DCAF4L1: variants seen among roughly 807,000 people sequenced by gnomAD.
DCAF4L1 encodes the protein DDB1 and CUL4 associated factor 4 like 1.
Under a neutral mutation model 28.2 loss-of-function variants are expected in DCAF4L1, and 4 were observed. That is an observed-to-expected ratio of 0.14 (90% CI 0.07 to 0.33). The LOEUF (loss-of-function observed/expected upper bound fraction) is 0.33. Ranked by LOEUF, DCAF4L1 falls within the 10% of genes least tolerant of loss-of-function variation. The probability of loss-of-function intolerance (pLI) is 1.00; values close to 1 mark genes in which losing one functional copy is unlikely to be tolerated. For missense variants in DCAF4L1, 331 were observed against 506.1 expected (o/e 0.65, Z 3.32); for synonymous variants, 252 against 212.1 (o/e 1.19, Z -1.63).
Position 41,983,109 on chromosome 4 carries a change from G to T in DCAF4L1, c.*126G>T. ...ATAGATCGCATCCATCCGGCTGCCA[G>T]GGGTAAGGTGTTAAGAGTTTTATGT... On this transcript the variant is annotated 3_prime_UTR_variant, in exon 1 of 1. Coordinates refer to ENST00000333141, the MANE Select transcript of DCAF4L1 (RefSeq NM_001029955.4). 2.5e-6 allele frequency: 2 copies of T among 812,152 alleles called. No homozygotes were observed. The highest frequency in any genetic ancestry group is 1.7e-5 in the African/African-American group (1 of 57,748). 50.3% of individuals were successfully genotyped at this position (812,152 alleles called of 1,614,324 possible).
In DCAF4L1 at chr4:41,983,255, CT is replaced by C. The variant is rs34302641; in HGVS notation, c.*283del. 592 of 223,038 alleles carry C rather than the reference CT, an allele frequency of 2.7e-3. No individual in the cohort carries two copies. The highest frequency in any genetic ancestry group is 6.8e-3 in the Middle Eastern group (4 of 592). 13.8% of individuals were successfully genotyped at this position (223,038 alleles called of 1,614,324 possible). A position where few individuals can be genotyped will look rare whatever the true frequency, so the allele number is the denominator to read the frequency against. ...AGAACAGTTAACCACCTCCCCAACC[CT>C]TTTTTTTTTTAAATAATTAAGACTT... is the stretch of plus-strand genomic sequence containing the variant. On this transcript the variant is annotated 3_prime_UTR_variant, in exon 1 of 1. Coordinates refer to ENST00000333141, the MANE Select transcript of DCAF4L1 (RefSeq NM_001029955.4).
rs765431956 is a variant in DCAF4L1 at position 41,982,089 on chromosome 4, CG to C, written c.299del (p.Gly100AlafsTer8). ...NQVEVEGSKY[G>X]IISLRTLKIP... ...AGGTCGAAGTCGAAGGCTCCAAGTA[CG>C]GCATCATCAGCCTGCGAACTCTGAA... On this transcript the variant is annotated frameshift_variant, in exon 1 of 1. Coordinates refer to ENST00000333141, the MANE Select transcript of DCAF4L1 (RefSeq NM_001029955.4). LOFTEE classifies it high-confidence loss of function. The surrounding 1 kb of genome is among the most constrained non-coding windows in gnomAD (Gnocchi z 4.4). 3 of 1,614,190 alleles carry C rather than the reference CG, an allele frequency of 1.9e-6. No homozygotes were observed. The East Asian group carries it at 6.7e-5, about 36-fold the overall frequency.
In DCAF4L1 at chr4:41,983,190, TTTTCATA is replaced by T; in HGVS notation, c.*208_*214del. 1 of 550,560 alleles carries T rather than the reference TTTTCATA, an allele frequency of 1.8e-6. No individual in the cohort carries two copies. Among genetic ancestry groups the T allele is most frequent in the East Asian group, 3.1e-5 (1 of 32,096 alleles). 34.1% of individuals were successfully genotyped at this position (550,560 alleles called of 1,614,324 possible). A position where few individuals can be genotyped will look rare whatever the true frequency, so the allele number is the denominator to read the frequency against. On this transcript the variant is annotated 3_prime_UTR_variant, in exon 1 of 1. Transcript: ENST00000333141. Reference sequence around the variant, plus strand: ...AACTGTGGACTTAACTTGAAAGTCCTTTTCATAAAAGGTACCTGTTTCCTCTTGTTGA... The same window carrying T: ...AACTGTGGACTTAACTTGAAAGTCCTAAAGGTACCTGTTTCCTCTTGTTGA...
At position 41,985,747 on chromosome 4, in the gene DCAF4L1, A is replaced by G. The variant is rs141482149; in HGVS notation, c.*2764A>G. On this transcript the variant is annotated 3_prime_UTR_variant, in exon 1 of 1. Coordinates refer to ENST00000333141, the MANE Select transcript of DCAF4L1 (RefSeq NM_001029955.4). Reference sequence around the variant, plus strand: ...CATAGCACTATGGACAAATCCTGCAAACATAATGTTGAAATAAAGATGCCA... The same window carrying G: ...CATAGCACTATGGACAAATCCTGCAGACATAATGTTGAAATAAAGATGCCA... The G allele has an allele frequency of 2.2e-3, 370 of 167,206 alleles. 1 individual carries two copies. Among genetic ancestry groups the G allele is most frequent in the Non-Finnish European group, 4.1e-3 (281 of 68,124 alleles). The allele number at this position is 167,206 out of a possible 1,614,324, so 10.4% of individuals were successfully genotyped here.
chr4:41,982,866 C>T lies in DCAF4L1; in HGVS notation c.1074C>T (p.Ala358=), dbSNP rs1714031665. ...GAACCATCCCTTCCCCGTACTCTGC[C>T]TCCGAGGACGACATTCCCAGCGTGG... is the stretch of plus-strand genomic sequence containing the variant. ...LLRTIPSPYS[A]SEDDIPSVAF... Residue 358 remains alanine, a synonymous_variant, in exon 1 of 1, where the codon GCC becomes GCT. Coordinates refer to ENST00000333141, the MANE Select transcript of DCAF4L1 (RefSeq NM_001029955.4). This position sits in a 1 kb window ranked among gnomAD's most constrained non-coding sequence, Gnocchi z 4.4. The T allele has an allele frequency of 6.2e-7, 1 of 1,614,166 alleles. No individual in the cohort carries two copies. Among genetic ancestry groups the T allele is most frequent in the Non-Finnish European group, 8.5e-7 (1 of 1,180,014 alleles).
rs1405258125 is a variant in DCAF4L1, at chr4:41,983,144, C to T, written c.*161C>T. The T allele has an allele frequency of 1.7e-5, 11 of 640,034 alleles. No homozygotes were observed. Among genetic ancestry groups the T allele is most frequent in the Non-Finnish European group, 3.0e-5 (11 of 368,060 alleles). The allele number at this position is 640,034 out of a possible 1,614,324, so 39.6% of individuals were successfully genotyped here. ...GTTAAGAGTTTTATGTGGAGACGTT[C>T]TTGTAAAGTTATTTCAGTTAAACTG... On this transcript the variant is annotated 3_prime_UTR_variant, in exon 1 of 1. Transcript: ENST00000333141.
Position 41,986,408 on chromosome 4 carries a change from G to A in DCAF4L1, c.*3425G>A, listed in dbSNP as rs1714162057. 1 of 166,986 alleles carries A rather than the reference G, an allele frequency of 6.0e-6. No homozygotes were observed. The highest frequency in any genetic ancestry group is 1.5e-5 in the Non-Finnish European group (1 of 68,122). The allele number at this position is 166,986 out of a possible 1,614,324, so 10.3% of individuals were successfully genotyped here. On this transcript the variant is annotated 3_prime_UTR_variant, in exon 1 of 1. Coordinates refer to ENST00000333141, the MANE Select transcript of DCAF4L1 (RefSeq NM_001029955.4). ...CACTAGTGATAATTGTTAGAGCTAT[G>A]CCCTTAATATATGTCTTGTGTGTAT... is the stretch of plus-strand genomic sequence containing the variant.
chr4:41,983,046 AC>A lies in DCAF4L1; in HGVS notation c.*65del. On this transcript the variant is annotated 3_prime_UTR_variant, in exon 1 of 1. Transcript: ENST00000333141. ...TTAAGGAAGTTAAGAGTATCTTATTACCGTTTCTGTGAGAGCATTTTAAGAG... is the reference window on the plus strand; with the variant it reads ...TTAAGGAAGTTAAGAGTATCTTATTACGTTTCTGTGAGAGCATTTTAAGAG... The A allele has an allele frequency of 1.4e-6, 2 of 1,422,472 alleles. No individual in the cohort carries two copies. The highest frequency in any genetic ancestry group is 1.9e-6 in the Non-Finnish European group (2 of 1,042,600). The allele number at this position is 1,422,472 out of a possible 1,614,324, so 88.1% of individuals were successfully genotyped here.
In DCAF4L1 at chr4:41,982,105, C is replaced by T. The variant is rs547538687; in HGVS notation, c.313C>T (p.Arg105Ter). 11 of 1,614,084 alleles carry T rather than the reference C, an allele frequency of 6.8e-6. No homozygotes were observed. Among genetic ancestry groups the T allele is most frequent in the Non-Finnish European group, 9.3e-6 (11 of 1,180,052 alleles). The change falls in exon 1 of 1, where the codon CGA (arginine) becomes TGA (stop). Residue 105 changes from arginine to a stop codon, truncating the protein, a stop_gained. Coordinates refer to ENST00000333141, the MANE Select transcript of DCAF4L1 (RefSeq NM_001029955.4). LOFTEE classifies it high-confidence loss of function. The surrounding 1 kb of genome is among the most constrained non-coding windows in gnomAD (Gnocchi z 4.4). ...EGSKYGIISLRTLKIPSFHVY... is the reference protein window; with the variant it reads ...EGSKYGIISL ...CTCCAAGTACGGCATCATCAGCCTGCGAACTCTGAAGATCCCTTCGTTCCA... is the reference window on the plus strand; with the variant it reads ...CTCCAAGTACGGCATCATCAGCCTGTGAACTCTGAAGATCCCTTCGTTCCA...
At position 41,982,199 on chromosome 4, in the gene DCAF4L1, A is replaced by G. The variant is rs754829260; in HGVS notation, c.407A>G (p.Asn136Ser). The change falls in exon 1 of 1, where the codon AAC (asparagine) becomes AGC (serine). Residue 136 changes from asparagine to serine, a missense_variant. Asn to Ser is a conservative substitution (Grantham distance 46). Transcript: ENST00000333141. The surrounding 1 kb of genome is among the most constrained non-coding windows in gnomAD (Gnocchi z 4.4). ...KVKSLCWASL[N>S]QLDSHVLLCF... ...AAGTCCCTGTGCTGGGCCTCGCTGA[A>G]CCAGTTGGACTCTCACGTTCTGCTG... 7 of 1,614,164 alleles carry G rather than the reference A, an allele frequency of 4.3e-6. No homozygotes were observed. The highest frequency in any genetic ancestry group is 1.1e-5 in the South Asian group (1 of 91,076).
chr4:41,981,785 A>C lies in DCAF4L1; in HGVS notation c.-8A>C, dbSNP rs201558079. On this transcript the variant is annotated 5_prime_UTR_variant, in exon 1 of 1. Coordinates refer to ENST00000333141, the MANE Select transcript of DCAF4L1 (RefSeq NM_001029955.4). ...TTTCCTGTCACGAGGAACATTCCGC[A>C]GGAGGAAATGGAGGCTGAAAGGCTG... 1.2e-6 allele frequency: 2 copies of C among 1,611,954 alleles called. No individual in the cohort carries two copies. Among genetic ancestry groups the C allele is most frequent in the Non-Finnish European group, 1.7e-6 (2 of 1,178,414 alleles).
In DCAF4L1 at chr4:41,982,538, T is replaced by G; in HGVS notation, c.746T>G (p.Phe249Cys). 1 of 1,614,212 alleles carries G rather than the reference T, an allele frequency of 6.2e-7. No individual in the cohort carries two copies. Among genetic ancestry groups the G allele is most frequent in the Non-Finnish European group, 8.5e-7 (1 of 1,180,032 alleles). Residue 249 changes from phenylalanine (F) to cysteine (C), a missense_variant, in exon 1 of 1, where the codon TTT becomes TGT. Coordinates refer to ENST00000333141, the MANE Select transcript of DCAF4L1 (RefSeq NM_001029955.4). The surrounding 1 kb of genome is among the most constrained non-coding windows in gnomAD (Gnocchi z 4.4). The part of the protein sequence containing the change: ...LFNGCRSGEI[F>C]AIDLRCRNRG... ...AATGGCTGTCGCTCCGGGGAGATCT[T>G]TGCCATTGATCTGCGTTGTAGAAAT...
At position 41,983,055 on chromosome 4, in the gene DCAF4L1, G is replaced by T; in HGVS notation, c.*72G>T. ...TTAAGAGTATCTTATTACCGTTTCT[G>T]TGAGAGCATTTTAAGAGACGTGTTG... On this transcript the variant is annotated 3_prime_UTR_variant, in exon 1 of 1. Coordinates refer to ENST00000333141, the MANE Select transcript of DCAF4L1 (RefSeq NM_001029955.4). 1.5e-6 allele frequency: 2 copies of T among 1,359,302 alleles called. No homozygotes were observed. Among genetic ancestry groups the T allele is most frequent in the Non-Finnish European group, 2.0e-6 (2 of 990,570 alleles). The allele number at this position is 1,359,302 out of a possible 1,614,324, so 84.2% of individuals were successfully genotyped here.
rs1390950062 is a variant in DCAF4L1, at chr4:41,984,087, A to G, written c.*1104A>G. On this transcript the variant is annotated 3_prime_UTR_variant, in exon 1 of 1. Transcript: ENST00000333141. ...AAGGTAGAGTAGTACGTACCTCTGT[A>G]GAAAGAAAGGATTTTTTTTTCTTTT... is the stretch of plus-strand genomic sequence containing the variant. 1 of 162,624 alleles carries G rather than the reference A, an allele frequency of 6.1e-6. No individual in the cohort carries two copies. Among genetic ancestry groups the G allele is most frequent in the African/African-American group, 2.5e-5 (1 of 40,730 alleles). 10.1% of individuals were successfully genotyped at this position (162,624 alleles called of 1,614,324 possible).
chr4:41,983,842 T>C lies in DCAF4L1; in HGVS notation c.*859T>C, dbSNP rs1257396882. On this transcript the variant is annotated 3_prime_UTR_variant, in exon 1 of 1. Transcript: ENST00000333141. ...AATAAGGTTAGTTGCTACTTCTTAA[T>C]AGCCAAAGCCTGGAAATGATCTGAA... 6.0e-6 allele frequency: 1 copy of C among 167,036 alleles called. No individual in the cohort carries two copies. Among genetic ancestry groups the C allele is most frequent in the African/African-American group, 2.4e-5 (1 of 41,476 alleles). The allele number at this position is 167,036 out of a possible 1,614,324, so 10.3% of individuals were successfully genotyped here.
In DCAF4L1 at chr4:41,985,169, A is replaced by T. The variant is rs1714113590; in HGVS notation, c.*2186A>T. The T allele has an allele frequency of 1.2e-5, 2 of 167,140 alleles. No individual in the cohort carries two copies. The highest frequency in any genetic ancestry group is 4.1e-4 in the South Asian group (2 of 4,832). The allele number at this position is 167,140 out of a possible 1,614,324, so 10.4% of individuals were successfully genotyped here. The stretch of plus-strand genomic sequence containing the variant: ...ATTTGGCAATTGACAAAAAATGACT[A>T]CATAACTTGATAAACTGTTTATCCT... On this transcript the variant is annotated 3_prime_UTR_variant, in exon 1 of 1. Coordinates refer to ENST00000333141, the MANE Select transcript of DCAF4L1 (RefSeq NM_001029955.4).
Position 41,982,437 on chromosome 4 carries a change from G to A in DCAF4L1, c.645G>A (p.Thr215=). The part of the protein sequence containing the change: ...SQQVLLTSVA[T]GHQQSFDTSS... ...AGGTCCTGTTGACCAGCGTGGCGAC[G>A]GGACACCAGCAGTCATTTGATACCA... is the stretch of plus-strand genomic sequence containing the variant. Residue 215 remains threonine, a synonymous_variant, in exon 1 of 1, where the codon ACG becomes ACA. Transcript: ENST00000333141. This position sits in a 1 kb window ranked among gnomAD's most constrained non-coding sequence, Gnocchi z 4.4. 1 of 1,614,136 alleles carries A rather than the reference G, an allele frequency of 6.2e-7. No homozygotes were observed. Among genetic ancestry groups the A allele is most frequent in the Non-Finnish European group, 8.5e-7 (1 of 1,180,034 alleles).
At position 41,982,138 on chromosome 4, in the gene DCAF4L1, G is replaced by A. The variant is rs753214088; in HGVS notation, c.346G>A (p.Val116Met). The change falls in exon 1 of 1, where the codon GTG becomes ATG. Residue 116 changes from valine (V) to methionine (M), a missense_variant. Coordinates refer to ENST00000333141, the MANE Select transcript of DCAF4L1 (RefSeq NM_001029955.4). The surrounding 1 kb of genome is among the most constrained non-coding windows in gnomAD (Gnocchi z 4.4). ...TLKIPSFHVY[V>M]LRNLYVPNRK... ...GAAGATCCCTTCGTTCCACGTGTAC[G>A]TGCTCAGAAACCTCTACGTCCCCAA... The A allele has an allele frequency of 3.1e-6, 5 of 1,614,214 alleles. No homozygotes were observed. In the African/African-American group the frequency reaches 4.0e-5, roughly 13 times the overall value.
At position 41,982,553 on chromosome 4, in the gene DCAF4L1, G is replaced by A; in HGVS notation, c.761G>A (p.Arg254His). 1.2e-6 allele frequency: 2 copies of A among 1,614,180 alleles called. No homozygotes were observed. Among genetic ancestry groups the A allele is most frequent in the South Asian group, 2.2e-5 (2 of 91,088 alleles). The change falls in exon 1 of 1, where the codon CGT (arginine) becomes CAT (histidine). Residue 254 changes from arginine (R) to histidine (H), a missense_variant. Transcript: ENST00000333141. The surrounding 1 kb of genome is among the most constrained non-coding windows in gnomAD (Gnocchi z 4.4). ...RSGEIFAIDL[R>H]CRNRGKGWRA... The stretch of plus-strand genomic sequence containing the variant: ...GGGGAGATCTTTGCCATTGATCTGC[G>A]TTGTAGAAATCGAGGCAAGGGGTGG...
Sources: allele counts gnomAD v4.1 joint callset, GRCh38; gene constraint gnomAD v4.1.1; non-coding constraint Gnocchi (gnomAD v3.1); transcripts MANE v1.5; gene names NCBI Gene and HGNC (gene_info 2026-07-23, HGNC 2026-07-21).